KMT5B: variants seen among roughly 807,000 people sequenced by gnomAD.
KMT5B encodes the protein lysine methyltransferase 5B.
A neutral mutation model predicts 83.2 loss-of-function variants in KMT5B; 10 were observed. The ratio of observed to expected loss-of-function variants is 0.12; its 90% CI spans 0.07 to 0.20. KMT5B has a LOEUF of 0.20. KMT5B is among the 10% of genes least tolerant of loss of function. The pLI is 1.00. For synonymous variants in KMT5B, 349 were observed against 388.8 expected (o/e 0.90, Z 1.20); for missense variants, 753 against 1,067.2 (o/e 0.71, Z 4.10).
In KMT5B at chr11:68,157,562, C is replaced by T. The variant is rs1338084033; in HGVS notation, c.*126G>A. The T allele has an allele frequency of 1.5e-6, 2 of 1,357,252 alleles. No homozygotes were observed. Among genetic ancestry groups the T allele is most frequent in the Non-Finnish European group, 1.9e-6 (2 of 1,038,044 alleles). The allele number at this position is 1,357,252 out of a possible 1,614,324, so 84.1% of individuals were successfully genotyped here. A position where few individuals can be genotyped will look rare whatever the true frequency, so the allele number is the denominator to read the frequency against. ...GAGTCAGTATGCTGTACACTTTCTA[C>T]AATAGTATGCTGATAAGTGAAGGGA... On this transcript the variant is annotated 3_prime_UTR_variant, in exon 11 of 11. Transcript: ENST00000304363.
chr11:68,183,066 A>T (rs1857099827), intron 3 of KMT5B, among the ~76,000 whole-genome samples: 1 of 152,104 alleles, frequency 6.6e-6, no homozygotes, highest in Non-Finnish European at 1.5e-5. Flanking sequence ...GCTGTTTTAT[A>T]TGCTTCCATA....
chr11:68,202,457 C>T (rs774801945), intron 1 of KMT5B, among the ~76,000 whole-genome samples: 16 of 151,858 alleles, frequency 1.1e-4, no homozygotes, highest in Admixed American at 5.3e-4. Flanking sequence ...TAACCCTTAA[C>T]GTTTCTCAGC....
chr11:68,167,236 T>C lies in KMT5B; in HGVS notation c.978-58A>G, dbSNP rs1189383393. 2.0e-6 allele frequency: 3 copies of C among 1,537,626 alleles called. No individual in the cohort carries two copies. The East Asian group carries it at 7.3e-5, about 38-fold the overall frequency. On this transcript the variant is annotated intron_variant, in intron 9 of 10. Coordinates refer to ENST00000304363, the MANE Select transcript of KMT5B (RefSeq NM_017635.5). Reference sequence around the variant, plus strand: ...AGAACACACTTTCTTATAATAAGCTTAACTGCTGAGGGTACTTGGCTACAG... The same window carrying C: ...AGAACACACTTTCTTATAATAAGCTCAACTGCTGAGGGTACTTGGCTACAG...
At chr11:68,164,764 C>T (rs1855165515) in intron 10 of KMT5B, 1 of 467,928 alleles carries the variant, frequency 2.1e-6, no homozygotes, top group Non-Finnish European at 4.3e-6. Flanking sequence ...AATGCTGAGA[C>T]TTCAGCTTAA....
At chr11:68,185,725 T>C (rs1591005355) in intron 3 of KMT5B, 56 bp downstream of exon 3, 1 of 1,493,346 alleles carries the variant, frequency 6.7e-7, no homozygotes, top group Non-Finnish European at 9.0e-7. Context: ...TAGCCATCTA[T>C]GTTCTTGAAT....
In KMT5B at chr11:68,157,856, G is replaced by C; in HGVS notation, c.2490C>G (p.Ser830=). 6.2e-7 allele frequency: 1 copy of C among 1,613,912 alleles called. No individual in the cohort carries two copies. The highest frequency in any genetic ancestry group is 8.5e-7 in the Non-Finnish European group (1 of 1,179,956). ...QYEEESTDDS[S]SSEGDEEEDD... The stretch of plus-strand genomic sequence containing the variant: ...CCTCCTCTTCATCGCCCTCAGAAGA[G>C]GAGGAATCATCTGTACTTTCTTCCT... The change falls in exon 11 of 11, where the codon TCC becomes TCG. Residue 830 remains serine (S), a synonymous_variant. Transcript: ENST00000304363.
chr11:68,167,309 C>A, intron 9 of KMT5B, 131 bp from the exon 10 acceptor site: 1 of 1,041,096 alleles, frequency 9.6e-7, no homozygotes, highest in Non-Finnish European at 1.3e-6. Context: ...CACTGGAAAC[C>A]GAAGACTAGA....
At chr11:68,185,998 C>T (rs116560066) in intron 2 of KMT5B, 70 bp from the exon 3 acceptor site, 9 of 1,350,054 alleles carry the variant, frequency 6.7e-6, no homozygotes, top group African/African-American at 2.9e-5. Flanking sequence ...AAATCTTTAG[C>T]GGCATTGCCC....
intron 10 of KMT5B, among the ~76,000 whole-genome samples, chr11:68,163,588 C>T (rs1338441997): frequency 6.6e-6 from 1 of 152,206 alleles, no homozygotes; most frequent in Admixed American, 6.5e-5. Context: ...ACTCAGGCCG[C>T]ACTGGAAATG....
At chr11:68,164,418 C>T (rs1855131292) in intron 10 of KMT5B, among the ~76,000 whole-genome samples, 1 of 152,222 alleles carries the variant, frequency 6.6e-6, no homozygotes, top group Non-Finnish European at 1.5e-5. Flanking sequence ...GCAGTGCTGG[C>T]TTTCCTGCAG....
chr11:68,182,234 G>A (rs1231841562), intron 3 of KMT5B, among the ~76,000 whole-genome samples: 1 of 152,050 alleles, frequency 6.6e-6, no homozygotes, highest in Admixed American at 6.6e-5. Context: ...CTCCTAGTAA[G>A]GTATTTTTAT....
chr11:68,179,449 T>C (rs1020349360), intron 4 of KMT5B: 10 of 1,303,302 alleles, frequency 7.7e-6, no homozygotes, highest in Non-Finnish European at 8.1e-6. Flanking sequence ...AAAAAACATA[T>C]GAATTCACAC....
At position 68,172,694 on chromosome 11, in the gene KMT5B, A is replaced by T. The variant is rs115204138; in HGVS notation, c.654-985T>A. ...TTCAAGGACTCAAGGGCTGGTGGCT[A>T]CTGTACCGGACGGTACAGCTCTAGG... On this transcript the variant is annotated intron_variant, in intron 6 of 10. Transcript: ENST00000304363. Among the ~76,000 whole-genome samples the T allele has an allele frequency of 1.8e-3, 281 of 152,272 alleles. 1 individual carries two copies. The highest frequency in any genetic ancestry group is 6.0e-3 in the African/African-American group (248 of 41,546).
At chr11:68,207,219 A>C (rs1465004501) in intron 1 of KMT5B, among the ~76,000 whole-genome samples, 2 of 152,062 alleles carry the variant, frequency 1.3e-5, no homozygotes, top group African/African-American at 2.4e-5. Context: ...GTTTCAAAAA[A>C]AAAAAAAAAA....
chr11:68,183,122 G>A (rs1857106307), intron 3 of KMT5B, among the ~76,000 whole-genome samples: 1 of 151,794 alleles, frequency 6.6e-6, no homozygotes. Context: ...GATGACCCCA[G>A]GTCAAGATTC....
At chr11:68,209,347 T>TA (rs1236074164) in intron 1 of KMT5B, among the ~76,000 whole-genome samples, 1 of 152,132 alleles carries the variant, frequency 6.6e-6, no homozygotes, top group African/African-American at 2.4e-5. Context: ...AGAGGGCGTA[T>TA]GAGAGCTTCT....
chr11:68,182,388 T>G (rs1857021866), intron 3 of KMT5B, among the ~76,000 whole-genome samples: 1 of 152,202 alleles, frequency 6.6e-6, no homozygotes, highest in Admixed American at 6.5e-5. Flanking sequence ...TTCAACAAAC[T>G]CCCAGGTGAC....
chr11:68,207,038 C>G (rs891227353), intron 1 of KMT5B, among the ~76,000 whole-genome samples: 1 of 151,686 alleles, frequency 6.6e-6, no homozygotes, highest in Non-Finnish European at 1.5e-5. Context: ...GTCAGGAGAT[C>G]GAGACCATCC....
upstream of KMT5B, chr11:68,213,314 C>T (rs970601022): frequency 1.4e-5 from 2 of 147,942 alleles, no homozygotes; most frequent in Non-Finnish European, 3.0e-5. Context: ...CGGGCCGCAG[C>T]ACCGCTCGCT....
Sources: allele counts gnomAD v4.1 joint callset (sites outside exome capture counted in the v4.1 genomes callset), GRCh38; gene constraint gnomAD v4.1.1; transcripts MANE v1.5; gene names NCBI Gene and HGNC (gene_info 2026-07-23, HGNC 2026-07-21).